ANO5: variants seen among roughly 807,000 people sequenced by gnomAD.
The protein encoded by ANO5 is anoctamin-5.
Under a neutral mutation model 121.0 loss-of-function variants are expected in ANO5, and 109 were observed. The observed-to-expected ratio is 0.90, with a 90% CI of 0.77 to 1.06. ANO5 has a LOEUF of 1.06. Among genes scored for constraint, ANO5 ranks in the 50% least tolerant of loss-of-function variants. The pLI is 0.00. For missense variants in ANO5, 1,064 were observed against 1,078.5 expected (o/e 0.99, Z 0.19); for synonymous variants, 406 against 359.9 (o/e 1.13, Z -1.45).
At chr11:22,232,989 A>G (rs981850184) in intron 7 of ANO5, among the ~76,000 whole-genome samples, 1 of 152,078 alleles carries the variant, frequency 6.6e-6, no homozygotes, top group African/African-American at 2.4e-5. Flanking sequence ...GACGTAGATA[A>G]TACTCATAGA....
intron 2 of ANO5, among the ~76,000 whole-genome samples, chr11:22,204,115 T>G (rs1044738612): frequency 3.3e-5 from 5 of 152,102 alleles, no homozygotes; most frequent in African/African-American, 1.2e-4. Context: ...ATCATTGATA[T>G]GCAAGATACT....
rs561496024 is a variant in ANO5, at chr11:22,246,833, C to A, written c.879-3404C>A. ...ATCGCACCACTACCCTACAACCTAG[C>A]ACAACAGAGTGAGACCCTGTTTCAA... On this transcript the variant is annotated intron_variant, in intron 9 of 21. Coordinates refer to ENST00000324559, the MANE Select transcript of ANO5 (RefSeq NM_213599.3). Among the ~76,000 whole-genome samples, 113 of 121,382 alleles carry A rather than the reference C, an allele frequency of 9.3e-4. 1 individual carries two copies. Among genetic ancestry groups the A allele is most frequent in the African/African-American group, 3.5e-3 (107 of 30,872 alleles). The allele number at this position is 121,382 out of a possible 152,430, so 79.6% of individuals were successfully genotyped here.
At chr11:22,207,838 A>T (rs532630383) in intron 2 of ANO5, among the ~76,000 whole-genome samples, 3 of 152,140 alleles carry the variant, frequency 2.0e-5, no homozygotes, top group African/African-American at 7.2e-5. Context: ...ATATTTTACA[A>T]GAAAAAATGC....
At position 22,203,916 on chromosome 11, in the gene ANO5, T is replaced by TA. The variant is rs1247364883; in HGVS notation, c.87+68dup. On this transcript the variant is annotated intron_variant, in intron 2 of 21. Coordinates refer to ENST00000324559, the MANE Select transcript of ANO5 (RefSeq NM_213599.3). Reference sequence around the variant, plus strand: ...AATAAAAAATCAAGATAAGGTTAACTAAGCCTTTGTACTTATTTACTTATA... The same window carrying TA: ...AATAAAAAATCAAGATAAGGTTAACTAAAGCCTTTGTACTTATTTACTTATA... 14 of 1,076,736 alleles carry TA rather than the reference T, an allele frequency of 1.3e-5. No homozygotes were observed. In the African/African-American group the frequency reaches 1.9e-4, roughly 14 times the overall value. 66.7% of individuals were successfully genotyped at this position (1,076,736 alleles called of 1,614,324 possible). A position where few individuals can be genotyped will look rare whatever the true frequency, so the allele number is the denominator to read the frequency against.
At chr11:22,201,496 T>A (rs926760421) in intron 1 of ANO5, among the ~76,000 whole-genome samples, 1 of 152,154 alleles carries the variant, frequency 6.6e-6, no homozygotes, top group African/African-American at 2.4e-5. Flanking sequence ...TGTGAAGAAT[T>A]ACCCAGGGCA....
chr11:22,276,544 A>T (rs1854859039), intron 21 of ANO5, among the ~76,000 whole-genome samples: 1 of 151,830 alleles, frequency 6.6e-6, no homozygotes, highest in South Asian at 2.1e-4. Flanking sequence ...AACATTGTTA[A>T]TTAGACCTTA....
intron 20 of ANO5, among the ~76,000 whole-genome samples, chr11:22,275,028 T>C (rs1472450208): frequency 1.3e-5 from 2 of 151,988 alleles, no homozygotes; most frequent in South Asian, 2.1e-4. Flanking sequence ...CTTTCTAATG[T>C]ATCAAAAGGA....
Position 22,273,128 on chromosome 11 carries a change from C to T in ANO5, c.2235+139C>T, listed in dbSNP as rs1168197962. 4.4e-6 allele frequency: 4 copies of T among 901,374 alleles called. No homozygotes were observed. The African/African-American group carries it at 6.6e-5, about 15-fold the overall frequency. 55.8% of individuals were successfully genotyped at this position (901,374 alleles called of 1,614,324 possible). A position where few individuals can be genotyped will look rare whatever the true frequency, so the allele number is the denominator to read the frequency against. On this transcript the variant is annotated intron_variant, in intron 19 of 21. Transcript: ENST00000324559. ...TAAAACATTCCGAAATTGTTATGCG[C>T]TAACCAATATAGAAAAACCTATGTC...
In ANO5 at chr11:22,281,533, C is replaced by T. The variant is rs1855079807; in HGVS notation, c.*1768C>T. The T allele has an allele frequency of 6.6e-6, 1 of 151,948 alleles. No individual in the cohort carries two copies. Among genetic ancestry groups the T allele is most frequent in the Admixed American group, 6.6e-5 (1 of 15,244 alleles). 9.4% of individuals were successfully genotyped at this position (151,948 alleles called of 1,614,324 possible). On this transcript the variant is annotated 3_prime_UTR_variant, in exon 22 of 22. Transcript: ENST00000324559. ...ATATTTCTTTCTTGAAAAAACAAGTCAGGCTTACCATGATGTGTGCAACCA... is the reference window on the plus strand; with the variant it reads ...ATATTTCTTTCTTGAAAAAACAAGTTAGGCTTACCATGATGTGTGCAACCA...
chr11:22,227,481 T>C lies in ANO5; in HGVS notation c.543T>C (p.Tyr181=), dbSNP rs1852880153. 6.2e-7 allele frequency: 1 copy of C among 1,613,556 alleles called. No individual in the cohort carries two copies. Among genetic ancestry groups the C allele is most frequent in the South Asian group, 1.1e-5 (1 of 91,072 alleles). The part of the protein sequence containing the change: ...GPVRLPLSVK[Y]PHPEYFTAQF... ...TAAGACTCCCACTGAGTGTGAAGTATCCCCATCCTGAATATTTTACTGCAC... is the reference window on the plus strand; with the variant it reads ...TAAGACTCCCACTGAGTGTGAAGTACCCCCATCCTGAATATTTTACTGCAC... Residue 181 remains tyrosine (Y), a synonymous_variant, in exon 7 of 22, where the codon TAT becomes TAC. Transcript: ENST00000324559.
intron 6 of ANO5, 65 bp from the exon 7 acceptor site, chr11:22,227,237 T>C: frequency 6.4e-7 from 1 of 1,571,078 alleles, no homozygotes; most frequent in Non-Finnish European, 8.7e-7. Flanking sequence ...ATCCATCTTA[T>C]TTAATCAGCT....
intron 2 of ANO5, among the ~76,000 whole-genome samples, chr11:22,205,065 G>A (rs1476076740): frequency 2.0e-5 from 3 of 152,042 alleles, no homozygotes; most frequent in South Asian, 2.1e-4. Flanking sequence ...TGGAGTTGGA[G>A]GCCCATTACC....
intron 15 of ANO5, among the ~76,000 whole-genome samples, chr11:22,260,451 C>G (rs1007762458): frequency 6.6e-6 from 1 of 152,166 alleles, no homozygotes; most frequent in African/African-American, 2.4e-5. Flanking sequence ...TGGCTGACGT[C>G]AAGCAAAAGA....
At chr11:22,202,336 A>C (rs1851990345) in intron 1 of ANO5, among the ~76,000 whole-genome samples, 1 of 152,094 alleles carries the variant, frequency 6.6e-6, no homozygotes, top group African/African-American at 2.4e-5. Context: ...GTCAAGTATA[A>C]ATTTATGTAT....
At chr11:22,254,163 T>G (rs1853915907) in intron 12 of ANO5, among the ~76,000 whole-genome samples, 1 of 152,144 alleles carries the variant, frequency 6.6e-6, no homozygotes, top group African/African-American at 2.4e-5. Context: ...AGATGATAGG[T>G]ATATTTGCAC....
At chr11:22,193,617 G>C in intron 1 of ANO5, 85 bp downstream of exon 1, 2 of 1,516,884 alleles carry the variant, frequency 1.3e-6, no homozygotes, top group South Asian at 2.4e-5. Context: ...CCCGGGGGAC[G>C]TTGGCGGCCC....
At chr11:22,252,432 G>A (rs1298545108) in intron 12 of ANO5, among the ~76,000 whole-genome samples, 2 of 152,028 alleles carry the variant, frequency 1.3e-5, no homozygotes, top group Admixed American at 1.3e-4. Context: ...TAGAGGAGTG[G>A]GTGTGTGTGG....
intron 5 of ANO5, among the ~76,000 whole-genome samples, chr11:22,222,303 T>C (rs1241132538): frequency 2.0e-5 from 3 of 152,024 alleles, no homozygotes; most frequent in Non-Finnish European, 4.4e-5. Flanking sequence ...ACTGTCCGTC[T>C]TTCCAGCAAT....
At chr11:22,193,593 C>A (rs887925768) in intron 1 of ANO5, 61 bp downstream of exon 1, 21 of 1,578,932 alleles carry the variant, frequency 1.3e-5, no homozygotes, top group Non-Finnish European at 1.7e-5. Context: ...CCCCTCCACC[C>A]GCGGCGCAGA....
Sources: allele counts gnomAD v4.1 joint callset (sites outside exome capture counted in the v4.1 genomes callset), GRCh38; gene constraint gnomAD v4.1.1; transcripts MANE v1.5; gene names NCBI Gene and HGNC (gene_info 2026-07-23, HGNC 2026-07-21).